KIF26B: variants seen among roughly 807,000 people sequenced by gnomAD.
The protein encoded by KIF26B is kinesin family member 26B.
A neutral mutation model predicts 151.2 loss-of-function variants in KIF26B; 63 were observed. The observed-to-expected ratio is 0.42, with a 90% CI of 0.34 to 0.51. KIF26B has a LOEUF of 0.51. Ranked by LOEUF, KIF26B falls within the 20% of genes least tolerant of loss-of-function variation. The pLI is 0.07. For synonymous variants in KIF26B, 1,357 were observed against 1,262.1 expected (o/e 1.08, Z -1.59); for missense variants, 2,813 against 2,913.6 (o/e 0.97, Z 0.79).
At chr1:245,449,378 CT>C (rs1008713695) in intron 4 of KIF26B, among the ~76,000 whole-genome samples, 89 of 147,578 alleles carry the variant, frequency 6.0e-4, no homozygotes, top group African/African-American at 1.6e-3. Context: ...TTCCCAGTAA[CT>C]TTTTTTTTTT....
chr1:245,161,217 T>C (rs1668525261), intron 2 of KIF26B, among the ~76,000 whole-genome samples: 1 of 152,234 alleles, frequency 6.6e-6, no homozygotes, highest in South Asian at 2.1e-4. Flanking sequence ...TGGGAGTTTA[T>C]AAAAACATTC....
intron 2 of KIF26B, among the ~76,000 whole-genome samples, chr1:245,251,131 G>A (rs1573733814): frequency 6.6e-6 from 1 of 152,290 alleles, no homozygotes; most frequent in East Asian, 1.9e-4. Flanking sequence ...CAAGGTTTTT[G>A]TTGGGGGCTG....
intron 3 of KIF26B, among the ~76,000 whole-genome samples, chr1:245,387,570 G>T (rs819889): frequency 0.68 from 103,634 of 151,984 alleles, 35,540 homozygotes; most frequent in African/African-American, 0.75. Context: ...GCACATGCCT[G>T]TGGTCCCAGT....
At chr1:245,573,081 C>A (rs937237015) in intron 5 of KIF26B, among the ~76,000 whole-genome samples, 1 of 152,186 alleles carries the variant, frequency 6.6e-6, no homozygotes, top group Admixed American at 6.5e-5. Flanking sequence ...AAAGAGAAAT[C>A]CCAAGAAAAC....
At chr1:245,578,141 T>C (rs946009700) in intron 5 of KIF26B, among the ~76,000 whole-genome samples, 6 of 152,266 alleles carry the variant, frequency 3.9e-5, no homozygotes, top group Non-Finnish European at 7.3e-5. Context: ...TTCTGTGATC[T>C]TCTACTAGAC....
At chr1:245,202,928 C>T (rs946693700) in intron 2 of KIF26B, among the ~76,000 whole-genome samples, 13 of 126,054 alleles carry the variant, frequency 1.0e-4, no homozygotes, top group African/African-American at 3.3e-4. Context: ...GTGACTAGAG[C>T]AAGACTCTGT....
chr1:245,562,000 C>T (rs1008554581), intron 5 of KIF26B, among the ~76,000 whole-genome samples: 4 of 152,114 alleles, frequency 2.6e-5, no homozygotes, highest in Admixed American at 6.6e-5. Context: ...TGGTTTCTCC[C>T]AGGGCCGTTG....
chr1:245,460,245 C>T (rs1047584230), intron 4 of KIF26B, among the ~76,000 whole-genome samples: 1 of 152,190 alleles, frequency 6.6e-6, no homozygotes, highest in Non-Finnish European at 1.5e-5. Flanking sequence ...GGATTACAGG[C>T]GTGAGCCACC....
At chr1:245,188,108 C>T (rs1669031809) in intron 2 of KIF26B, among the ~76,000 whole-genome samples, 1 of 151,808 alleles carries the variant, frequency 6.6e-6, no homozygotes, top group African/African-American at 2.4e-5. Flanking sequence ...GGCAAAACCC[C>T]ATCTCTACTA....
In KIF26B at chr1:245,285,053, A is replaced by G. The variant is rs186154997; in HGVS notation, c.466-81781A>G. Among the ~76,000 whole-genome samples, 12 of 152,276 alleles carry G rather than the reference A, an allele frequency of 7.9e-5. No individual in the cohort carries two copies. The East Asian group carries it at 1.9e-3, about 24-fold the overall frequency. ...CAACTCTGTCTCAAAAAACAAACAA[A>G]CAAGCGAACAAAAACAATAATTTAT... On this transcript the variant is annotated intron_variant, in intron 2 of 14. Transcript: ENST00000407071.
At chr1:245,647,302 G>A (rs1039988138) in intron 10 of KIF26B, among the ~76,000 whole-genome samples, 1 of 151,394 alleles carries the variant, frequency 6.6e-6, no homozygotes, top group Non-Finnish European at 1.5e-5. Context: ...GTGGGCACCT[G>A]TAGTCCCAGC....
At chr1:245,439,359 A>G (rs1350755269) in intron 4 of KIF26B, among the ~76,000 whole-genome samples, 1 of 151,060 alleles carries the variant, frequency 6.6e-6, no homozygotes, top group Non-Finnish European at 1.5e-5. Flanking sequence ...AAAAAAAAAA[A>G]AAAAGAAAAA....
chr1:245,504,028 C>A (rs1032561914), intron 4 of KIF26B, among the ~76,000 whole-genome samples: 12 of 152,288 alleles, frequency 7.9e-5, no homozygotes, highest in South Asian at 2.1e-4. Context: ...GTTTTCGTAT[C>A]CCCTAGGGGC....
At chr1:245,452,447 G>A (rs1659418098) in intron 4 of KIF26B, among the ~76,000 whole-genome samples, 1 of 151,902 alleles carries the variant, frequency 6.6e-6, no homozygotes, top group Admixed American at 6.6e-5. Context: ...AGTTCTTTTG[G>A]GTTTATAACT....
chr1:245,410,684 A>C (rs769884022), intron 3 of KIF26B, among the ~76,000 whole-genome samples: 3 of 152,210 alleles, frequency 2.0e-5, no homozygotes, highest in Non-Finnish European at 4.4e-5. Context: ...TCCTGAGCTC[A>C]AGCAATCTGT....
intron 2 of KIF26B, among the ~76,000 whole-genome samples, chr1:245,343,085 CAA>C (rs11377283): frequency 3.0e-5 from 4 of 131,936 alleles, no homozygotes; most frequent in African/African-American, 2.9e-5. Context: ...GACTCCATCT[CAA>C]AAAAAAAAAA....
At position 245,619,216 on chromosome 1, in the gene KIF26B, T is replaced by C. The variant is rs563773850; in HGVS notation, c.2098+7240T>C. Among the ~76,000 whole-genome samples the C allele has an allele frequency of 7.1e-4, 103 of 144,070 alleles. 2 individuals are homozygous for C. Among genetic ancestry groups the C allele is most frequent in the African/African-American group, 2.7e-3 (102 of 38,410 alleles). The allele number at this position is 144,070 out of a possible 152,430, so 94.5% of individuals were successfully genotyped here. A position where few individuals can be genotyped will look rare whatever the true frequency, so the allele number is the denominator to read the frequency against. Reference sequence around the variant, plus strand: ...TGCTGGGGCTGTGTCTGCTGCGTGCTGTTGGTGAGCTTGTCCAAGCCCTAT... The same window carrying C: ...TGCTGGGGCTGTGTCTGCTGCGTGCCGTTGGTGAGCTTGTCCAAGCCCTAT... On this transcript the variant is annotated intron_variant, in intron 9 of 14. Transcript: ENST00000407071.
chr1:245,207,357 C>T (rs1669427412), intron 2 of KIF26B, among the ~76,000 whole-genome samples: 1 of 152,160 alleles, frequency 6.6e-6, no homozygotes, highest in African/African-American at 2.4e-5. Context: ...CTGTGTCCTG[C>T]CTCCATTGGC....
chr1:245,219,077 CT>C (rs1222531852), intron 2 of KIF26B, among the ~76,000 whole-genome samples: 3 of 145,100 alleles, frequency 2.1e-5, no homozygotes, highest in Admixed American at 6.9e-5. Context: ...CTGTGTCTGT[CT>C]GAGAGGGGAA....
Sources: gnomAD v4.1 joint callset for allele counts (sites outside exome capture counted in the v4.1 genomes callset) on GRCh38, gnomAD v4.1.1 for gene constraint, MANE v1.5 for transcripts, NCBI Gene and HGNC (gene_info 2026-07-23, HGNC 2026-07-21) for gene names.